The following DCC variants were observed in gnomAD, a reference collection of about 807,000 sequenced individuals.
DCC encodes the protein netrin receptor DCC.
A neutral mutation model predicts 172.5 loss-of-function variants in DCC; 58 were observed. The observed-to-expected ratio is 0.34, with a 90% confidence interval of 0.27 to 0.42. The LOEUF is 0.42. Ranked by LOEUF, DCC falls within the 10% of genes least tolerant of loss-of-function variation. DCC has a pLI of 1.00. For missense variants in DCC, 1,740 were observed against 1,791.0 expected (o/e 0.97, Z 0.51); for synonymous variants, 709 against 644.5 (o/e 1.10, Z -1.52).
chr18:53,472,640 G>A (rs899504389), intron 25 of DCC, among the ~76,000 whole-genome samples: 12 of 151,936 alleles, frequency 7.9e-5, no homozygotes, highest in Admixed American at 7.2e-4. Context: ...TGAATCCCTG[G>A]CTATCCTCCC....
chr18:53,492,657 T>G (rs2045972009), intron 26 of DCC, among the ~76,000 whole-genome samples: 1 of 152,214 alleles, frequency 6.6e-6, no homozygotes, highest in Admixed American at 6.5e-5. Flanking sequence ...TCTGTTCTGT[T>G]GGTCTGTATA....
chr18:53,118,215 C>CT (rs1047630686), intron 7 of DCC, among the ~76,000 whole-genome samples: 6 of 151,784 alleles, frequency 4.0e-5, no homozygotes, highest in Non-Finnish European at 5.9e-5. Flanking sequence ...ATTATTATTA[C>CT]TTTTTTCTAA....
At chr18:53,489,897 C>T (rs2045941838) in intron 26 of DCC, among the ~76,000 whole-genome samples, 1 of 151,548 alleles carries the variant, frequency 6.6e-6, no homozygotes, top group Non-Finnish European at 1.5e-5. Flanking sequence ...ATGAGTTATC[C>T]CTAGGGAACA....
chr18:53,469,439 T>C (rs1408002535), intron 25 of DCC, among the ~76,000 whole-genome samples: 1 of 152,216 alleles, frequency 6.6e-6, no homozygotes, highest in Admixed American at 6.5e-5. Context: ...CTTATATGTA[T>C]TCTTACTTTT....
intron 26 of DCC, among the ~76,000 whole-genome samples, chr18:53,493,544 T>C (rs1422718838): frequency 6.6e-6 from 1 of 152,192 alleles, no homozygotes; most frequent in Non-Finnish European, 1.5e-5. Flanking sequence ...GACTTTCTAG[T>C]TTATTTGCAC....
At chr18:53,199,865 G>A (rs2055508602) in intron 9 of DCC, among the ~76,000 whole-genome samples, 2 of 151,930 alleles carry the variant, frequency 1.3e-5, no homozygotes, top group Non-Finnish European at 2.9e-5. Flanking sequence ...ATACAATTAT[G>A]AAATTTTTAT....
intron 2 of DCC, among the ~76,000 whole-genome samples, chr18:52,787,992 A>G (rs1386783007): frequency 2.6e-5 from 4 of 152,128 alleles, no homozygotes; most frequent in Admixed American, 2.6e-4. Context: ...AGCCTTTTAT[A>G]ACTGCTTTTG....
intron 3 of DCC, among the ~76,000 whole-genome samples, chr18:52,910,994 T>C (rs947424559): frequency 5.9e-5 from 9 of 152,150 alleles, no homozygotes; most frequent in African/African-American, 2.2e-4. Flanking sequence ...CAAATAGTTT[T>C]AGATTTTTCT....
At chr18:53,131,550 G>T (rs1421752378) in intron 7 of DCC, among the ~76,000 whole-genome samples, 3 of 152,126 alleles carry the variant, frequency 2.0e-5, no homozygotes, top group Non-Finnish European at 4.4e-5. Context: ...ACCTGGCTTT[G>T]TGTGTGATGG....
At chr18:53,169,784 T>C (rs1036631226) in intron 8 of DCC, among the ~76,000 whole-genome samples, 8 of 152,268 alleles carry the variant, frequency 5.3e-5, no homozygotes, top group African/African-American at 1.9e-4. Flanking sequence ...AACTTCTCAT[T>C]ATTCACTGTT....
rs761700363 is a variant in DCC, at chr18:53,391,749, A to G, written c.2550A>G (p.Val850=). The change falls in exon 17 of 29, where the codon GTA becomes GTG. Residue 850 remains valine, a synonymous_variant. Coordinates refer to ENST00000442544, the MANE Select transcript of DCC (RefSeq NM_005215.4). ...CCCCCATGCTCCCACCAGTAGGTGTACAGGCTGTGGCTCTTACCCATGATG... is the reference window on the plus strand; with the variant it reads ...CCCCCATGCTCCCACCAGTAGGTGTGCAGGCTGTGGCTCTTACCCATGATG... The part of the protein sequence containing the change: ...LSTPMLPPVG[V]QAVALTHDAV... 3.7e-6 allele frequency: 6 copies of G among 1,614,034 alleles called. No individual in the cohort carries two copies. In the Admixed American group the frequency reaches 1.0e-4, roughly 27 times the overall value.
intron 1 of DCC, among the ~76,000 whole-genome samples, chr18:52,486,333 G>GTT (rs2030222959): frequency 6.6e-6 from 1 of 152,052 alleles, no homozygotes; most frequent in African/African-American, 2.4e-5. Flanking sequence ...AACTAATGCC[G>GTT]TAATGTTTAC....
At chr18:53,358,263 A>T (rs1320047562) in intron 15 of DCC, among the ~76,000 whole-genome samples, 1 of 152,124 alleles carries the variant, frequency 6.6e-6, no homozygotes, top group Non-Finnish European at 1.5e-5. Flanking sequence ...ATGCATTATT[A>T]TCTGAGTTAC....
At chr18:52,726,549 C>A (rs1273318142) in intron 1 of DCC, among the ~76,000 whole-genome samples, 1 of 152,128 alleles carries the variant, frequency 6.6e-6, no homozygotes, top group East Asian at 1.9e-4. Context: ...TTCTCCCTTC[C>A]TTCTCTAGTT....
chr18:53,230,847 A>G (rs1479116446), intron 12 of DCC, among the ~76,000 whole-genome samples: 1 of 152,122 alleles, frequency 6.6e-6, no homozygotes, highest in African/African-American at 2.4e-5. Flanking sequence ...TCTATAGTTG[A>G]TAGTAAATTC....
chr18:52,461,248 C>T (rs753295552), intron 1 of DCC, among the ~76,000 whole-genome samples: 3 of 152,122 alleles, frequency 2.0e-5, no homozygotes, highest in Non-Finnish European at 2.9e-5. Flanking sequence ...TGTCTTTCAC[C>T]TTCACATGTC....
chr18:52,874,140 A>G (rs1225391103), intron 2 of DCC, among the ~76,000 whole-genome samples: 2 of 152,208 alleles, frequency 1.3e-5, no homozygotes, highest in African/African-American at 4.8e-5. Context: ...CACTTACCCT[A>G]AACTTAAACT....
chr18:52,847,230 ACT>A (rs1478574076), intron 2 of DCC, among the ~76,000 whole-genome samples: 1 of 152,208 alleles, frequency 6.6e-6, no homozygotes, highest in Non-Finnish European at 1.5e-5. Context: ...TGTGTTTCAC[ACT>A]TATATTTGAA....
At chr18:53,452,828 A>G (rs2045431601) in intron 23 of DCC, among the ~76,000 whole-genome samples, 1 of 152,168 alleles carries the variant, frequency 6.6e-6, no homozygotes, top group Admixed American at 6.5e-5. Flanking sequence ...CTTTGTGTGC[A>G]TATTTTCATA....
Sources: gnomAD v4.1 joint callset for allele counts (sites outside exome capture counted in the v4.1 genomes callset) on GRCh38, gnomAD v4.1.1 for gene constraint, MANE v1.5 for transcripts, NCBI Gene and HGNC (gene_info 2026-07-23, HGNC 2026-07-21) for gene names.